PIK3CD: variants seen among roughly 807,000 people sequenced by gnomAD.
PIK3CD encodes the protein phosphatidylinositol-4,5-bisphosphate 3-kinase catalytic subunit delta.
Under a neutral mutation model 122.9 loss-of-function variants are expected in PIK3CD, and 20 were observed. The observed-to-expected ratio is 0.16, with a 90% confidence interval of 0.11 to 0.24. The LOEUF is 0.24. Ranked by LOEUF, PIK3CD falls within the 10% of genes least tolerant of loss-of-function variation. The probability of loss-of-function intolerance (pLI) is 1.00; values close to 1 mark genes in which losing one functional copy is unlikely to be tolerated. For synonymous variants in PIK3CD, 596 were observed against 593.4 expected, an observed-to-expected ratio of 1.00 and a Z score of -0.06; for missense variants, 787 against 1,406.3, an observed-to-expected ratio of 0.56 and a Z score of 7.04.
chr1:9,663,478 T>C (rs1010454498), intron 1 of PIK3CD, among the ~76,000 whole-genome samples: 2 of 152,204 alleles, frequency 1.3e-5, no homozygotes, highest in Non-Finnish European at 2.9e-5. Context: ...TATCTACCTG[T>C]TGATATCTAC....
At chr1:9,694,382 A>C (rs928610403) in intron 2 of PIK3CD, among the ~76,000 whole-genome samples, 2 of 152,060 alleles carry the variant, frequency 1.3e-5, no homozygotes, top group Non-Finnish European at 2.9e-5. Context: ...AAAAATACAA[A>C]AATTATCTGG....
chr1:9,695,547 A>G (rs1018283355), intron 2 of PIK3CD, among the ~76,000 whole-genome samples: 1 of 152,220 alleles, frequency 6.6e-6, no homozygotes, highest in African/African-American at 2.4e-5. Context: ...AAGCAACAGT[A>G]GAAACTACAA....
chr1:9,645,763 G>A, the PIK3CD span, among the ~76,000 whole-genome samples: 1 of 151,760 alleles, frequency 6.6e-6, no homozygotes, highest in Non-Finnish European at 1.5e-5. Context: ...CCGCCACCAT[G>A]CTCAGCTAAT....
rs1429986882 is a variant in PIK3CD at position 9,652,740 on chromosome 1, CGGGGAGACGG to C, written c.-138+942_-138+951del. On this transcript the variant is annotated intron_variant, in intron 1 of 23. Coordinates refer to ENST00000377346, the MANE Select transcript of PIK3CD (RefSeq NM_005026.5). The surrounding 1 kb of genome is among the most constrained non-coding windows in gnomAD (Gnocchi z 6.2). ...GCACCAGGATGGGGGCGTTGCAGGG[CGGGGAGACGG>C]GGGTCCAGAGAACCGGGGAAGGGCC... 6.7e-6 allele frequency: 1 copy of C among 150,042 alleles called. No individual in the cohort carries two copies. Among genetic ancestry groups the C allele is most frequent in the African/African-American group, 2.5e-5 (1 of 40,632 alleles). The allele number at this position is 150,042 out of a possible 1,614,324, so 9.3% of individuals were successfully genotyped here.
At chr1:9,695,769 G>T (rs1419050930) in intron 2 of PIK3CD, among the ~76,000 whole-genome samples, 1 of 151,426 alleles carries the variant, frequency 6.6e-6, no homozygotes, top group Non-Finnish European at 1.5e-5. Context: ...TTGAACCCGG[G>T]AGGCGGAGGC....
intron 1 of PIK3CD, among the ~76,000 whole-genome samples, chr1:9,686,554 G>A (rs4846194): frequency 0.56 from 84,360 of 151,606 alleles, 24,306 homozygotes; most frequent in African/African-American, 0.72. Flanking sequence ...GGGTCTCACT[G>A]TGTGGCCCAG....
At chr1:9,665,457 A>G (rs1288184981) in intron 1 of PIK3CD, among the ~76,000 whole-genome samples, 1 of 150,170 alleles carries the variant, frequency 6.7e-6, no homozygotes. Flanking sequence ...AGCGCTCACA[A>G]GCTCTTGCCG....
chr1:9,719,753 G>A lies in PIK3CD; in HGVS notation c.1243-168G>A, dbSNP rs963756782. ...TCACCACTGGAGCCCTCAGAGGAAA[G>A]AGGAAAAAGCGGCTCCTCTCCTTCC... On this transcript the variant is annotated intron_variant, in intron 9 of 23. Coordinates refer to ENST00000377346, the MANE Select transcript of PIK3CD (RefSeq NM_005026.5). The surrounding 1 kb of genome is among the most constrained non-coding windows in gnomAD (Gnocchi z 5.5). 7.9e-5 allele frequency among the ~76,000 whole-genome samples: 12 copies of A among 151,954 alleles called. No individual in the cohort carries two copies. Among genetic ancestry groups the A allele is most frequent in the Non-Finnish European group, 2.9e-5 (2 of 67,996 alleles).
At chr1:9,634,359 A>C in the PIK3CD span, among the ~76,000 whole-genome samples, 1 of 151,922 alleles carries the variant, frequency 6.6e-6, no homozygotes, top group East Asian at 1.9e-4. Context: ...ACGGGGTTTC[A>C]CCATGTTGGC....
At chr1:9,703,367 G>C (rs1646717963) in intron 2 of PIK3CD, among the ~76,000 whole-genome samples, 2 of 152,182 alleles carry the variant, frequency 1.3e-5, no homozygotes, top group Non-Finnish European at 2.9e-5. Flanking sequence ...TATCCAGGGA[G>C]CTAGGGGTGA....
chr1:9,652,231 C>T lies in PIK3CD; in HGVS notation c.-138+429C>T, dbSNP rs1165834408. On this transcript the variant is annotated intron_variant, in intron 1 of 23. Coordinates refer to ENST00000377346, the MANE Select transcript of PIK3CD (RefSeq NM_005026.5). This position sits in a 1 kb window ranked among gnomAD's most constrained non-coding sequence, Gnocchi z 6.2. ...CCCGCTCCGAGCGCTGACTAGAGGACCAGGGGCCTCCTCTGTACGGCAGCG... is the reference window on the plus strand; with the variant it reads ...CCCGCTCCGAGCGCTGACTAGAGGATCAGGGGCCTCCTCTGTACGGCAGCG... Among the ~76,000 whole-genome samples the T allele has an allele frequency of 6.6e-6, 1 of 152,232 alleles. No homozygotes were observed. The highest frequency in any genetic ancestry group is 1.5e-5 in the Non-Finnish European group (1 of 68,032).
Position 9,721,243 on chromosome 1 carries a change from A to G in PIK3CD, c.1806A>G (p.Lys602=). Residue 602 remains lysine (K), a synonymous_variant, in exon 14 of 24, where the codon AAA becomes AAG. Coordinates refer to ENST00000377346, the MANE Select transcript of PIK3CD (RefSeq NM_005026.5). ...VGSFAIKSLR[K]LTDDELFQYL... ...CCTTCGCCATCAAGTCGCTGCGGAA[A>G]CTGACGTGAGTCCCAGCTGGGCGCT... 1 of 1,613,222 alleles carries G rather than the reference A, an allele frequency of 6.2e-7. No individual in the cohort carries two copies. Among genetic ancestry groups the G allele is most frequent in the Non-Finnish European group, 8.5e-7 (1 of 1,179,946 alleles).
At chr1:9,709,132 C>A (rs111264412) in intron 2 of PIK3CD, among the ~76,000 whole-genome samples, 1,900 of 152,004 alleles carry the variant, frequency 0.012, 44 homozygotes, top group African/African-American at 0.042. Context: ...TGGGTTCAAG[C>A]GATTCTCCTG....
chr1:9,707,366 A>G (rs995235582), intron 2 of PIK3CD, among the ~76,000 whole-genome samples: 3 of 111,446 alleles, frequency 2.7e-5, no homozygotes, highest in African/African-American at 1.0e-4. Flanking sequence ...TCTTTTTTTT[A>G]ATTTAACTTT....
the PIK3CD span, among the ~76,000 whole-genome samples, chr1:9,632,146 A>G: frequency 4.1e-3 from 629 of 151,868 alleles, 5 homozygotes; most frequent in African/African-American, 0.014. Flanking sequence ...CTGAGTAGCT[A>G]GGATTACAGG....
chr1:9,632,619 A>T, the PIK3CD span, among the ~76,000 whole-genome samples: 20 of 152,172 alleles, frequency 1.3e-4, no homozygotes, highest in Non-Finnish European at 2.4e-4. Context: ...TATACAAAGC[A>T]CGCGCTGCAG....
In PIK3CD at chr1:9,727,654, T is replaced by C. The variant is rs1649879007; in HGVS notation, c.*608T>C. ...AATAATAGATGACTCACCACACCTCTACGGCTGGGGAGATCAGGCCCAGCC... is the reference window on the plus strand; with the variant it reads ...AATAATAGATGACTCACCACACCTCCACGGCTGGGGAGATCAGGCCCAGCC... On this transcript the variant is annotated 3_prime_UTR_variant, in exon 24 of 24. Coordinates refer to ENST00000377346, the MANE Select transcript of PIK3CD (RefSeq NM_005026.5). 2 of 216,888 alleles carry C rather than the reference T, an allele frequency of 9.2e-6. No homozygotes were observed. The highest frequency in any genetic ancestry group is 5.2e-5 in the Admixed American group (1 of 19,258). 13.4% of individuals were successfully genotyped at this position (216,888 alleles called of 1,614,324 possible).
At chr1:9,665,840 G>A (rs578097306) in intron 1 of PIK3CD, among the ~76,000 whole-genome samples, 7 of 151,490 alleles carry the variant, frequency 4.6e-5, no homozygotes, top group South Asian at 2.1e-4. Context: ...TGCGACCTCC[G>A]CCTCCTGGGT....
At chr1:9,647,481 AATTATTATT>A (rs61118085), upstream of PIK3CD, among the ~76,000 whole-genome samples, 310 of 139,438 alleles carry the variant, frequency 2.2e-3, 1 homozygote, top group African/African-American at 6.2e-3. Flanking sequence ...TCATGATTCT[AATTATTATT>A]ATTATTATTA....
Sources: allele counts gnomAD v4.1 joint callset (sites outside exome capture counted in the v4.1 genomes callset), GRCh38; gene constraint gnomAD v4.1.1; non-coding constraint Gnocchi (gnomAD v3.1); transcripts MANE v1.5; gene names NCBI Gene and HGNC (gene_info 2026-07-23, HGNC 2026-07-21).